Variants in CARD8 observed in about 807,000 individuals in gnomAD.
CARD8 encodes the protein caspase recruitment domain-containing protein 8.
In CARD8, 38 loss-of-function variants were observed where a neutral mutation model predicts 53.2. The ratio of observed to expected loss-of-function variants is 0.71; its 90% CI spans 0.55 to 0.94. The LOEUF is 0.94. Among genes scored for constraint, CARD8 ranks in the 40% least tolerant of loss-of-function variants. The pLI is 0.00. For missense variants in CARD8, 561 were observed against 655.5 expected (o/e 0.86, Z 1.57); for synonymous variants, 245 against 244.9 (o/e 1.00, Z 0.00).
intron 1 of CARD8, among the ~76,000 whole-genome samples, chr19:48,253,429 T>TG (rs1402706204): frequency 6.6e-6 from 1 of 152,176 alleles, no homozygotes; most frequent in Non-Finnish European, 1.5e-5. Flanking sequence ...TGTTTCCAAG[T>TG]GGGGCCACTT....
chr19:48,224,756 CTTTT>C (rs10533384), intron 10 of CARD8, among the ~76,000 whole-genome samples: 17 of 135,212 alleles, frequency 1.3e-4, no homozygotes, highest in Non-Finnish European at 1.1e-4. Context: ...TCACCTTGTG[CTTTT>C]TTTTTTTTTT....
Position 48,215,388 on chromosome 19 carries a change from C to T in CARD8, c.1304-4G>A, listed in dbSNP as rs752268900. 6.2e-7 allele frequency: 1 copy of T among 1,605,284 alleles called. No individual in the cohort carries two copies. Among genetic ancestry groups the T allele is most frequent in the Non-Finnish European group, 8.5e-7 (1 of 1,172,338 alleles). ...GCAGCTACAAGCTGGAGATCCACTACAAAAGAGGGAAAAATTATATGATGA... is the reference window on the plus strand; with the variant it reads ...GCAGCTACAAGCTGGAGATCCACTATAAAAGAGGGAAAAATTATATGATGA... On this transcript the variant is annotated splice_region_variant and splice_polypyrimidine_tract_variant and intron_variant, in intron 12 of 13. Coordinates refer to ENST00000651546, the MANE Select transcript of CARD8 (RefSeq NM_001184900.3).
In CARD8 at chr19:48,255,773, TA is replaced by T. The variant is rs1187258935; in HGVS notation, c.-252+18del. On this transcript the variant is annotated intron_variant, in intron 1 of 13. Transcript: ENST00000651546. ...GCCTCCGTTTCTCCTTCCTGTACAC[TA>T]GGGCTCCTGAAACTCACCTGGTAAG... 6.6e-6 allele frequency: 1 copy of T among 152,228 alleles called. No homozygotes were observed. Among genetic ancestry groups the T allele is most frequent in the African/African-American group, 2.4e-5 (1 of 41,422 alleles). The allele number at this position is 152,228 out of a possible 1,614,324, so 9.4% of individuals were successfully genotyped here.
In CARD8 at chr19:48,238,474, G is replaced by A. The variant is rs138177358; in HGVS notation, c.118C>T (p.Arg40Trp). ...ASKLIRLQGS[R>W]KLLVDNSIRE... ...ATGCTATTGTCAACCAACAGTTTCC[G>A]TGATCCTTGTAGTCTAATGAGTTTG... The change falls in exon 5 of 14, where the codon CGG becomes TGG. Residue 40 changes from arginine to tryptophan, a missense_variant. Coordinates refer to ENST00000651546, the MANE Select transcript of CARD8 (RefSeq NM_001184900.3). 700 of 1,536,262 alleles carry A rather than the reference G, an allele frequency of 4.6e-4. 3 individuals are homozygous for A. The Middle Eastern group carries it at 5.2e-3, about 11-fold the overall frequency.
chr19:48,218,188 T>A (rs1333364064), intron 12 of CARD8, among the ~76,000 whole-genome samples: 1 of 152,062 alleles, frequency 6.6e-6, no homozygotes, highest in Non-Finnish European at 1.5e-5. Flanking sequence ...CAAGAACATT[T>A]TATTTTATTC....
At chr19:48,207,794 G>GGT (rs2037461107), downstream of CARD8, among the ~76,000 whole-genome samples, 1 of 140,262 alleles carries the variant, frequency 7.1e-6, no homozygotes, top group Non-Finnish European at 1.5e-5. Flanking sequence ...GGAGTGCAGT[G>GGT]GTGTGATCTT....
downstream of CARD8, among the ~76,000 whole-genome samples, chr19:48,205,453 C>T (rs570947653): frequency 5.0e-4 from 76 of 152,250 alleles, no homozygotes; most frequent in African/African-American, 1.8e-3. Flanking sequence ...TGGTCTTGAA[C>T]TCCTGACCTC....
chr19:48,222,386 A>G (rs1310860368), intron 10 of CARD8, among the ~76,000 whole-genome samples: 4 of 152,200 alleles, frequency 2.6e-5, no homozygotes, highest in African/African-American at 9.6e-5. Flanking sequence ...GCAGAAAGCG[A>G]GACCTCAAAA....
At chr19:48,241,270 T>C (rs1279276961) in intron 3 of CARD8, among the ~76,000 whole-genome samples, 1 of 152,168 alleles carries the variant, frequency 6.6e-6, no homozygotes, top group Non-Finnish European at 1.5e-5. Flanking sequence ...ACTTCCTTTT[T>C]TTTTAGATGG....
chr19:48,247,827 T>C (rs971254960), intron 3 of CARD8, among the ~76,000 whole-genome samples: 2 of 151,272 alleles, frequency 1.3e-5, no homozygotes, highest in African/African-American at 4.8e-5. Context: ...CAAGCAAAAT[T>C]AAATTACACT....
rs2039808848 is a variant in CARD8 at position 48,218,427 on chromosome 19, G to A, written c.1303+444C>T. ...GGCTGGACTGCTGTGGCACAATCTT[G>A]GCTCACTGCAACCCCCTCCTGGGTT... On this transcript the variant is annotated intron_variant, in intron 12 of 13. Coordinates refer to ENST00000651546, the MANE Select transcript of CARD8 (RefSeq NM_001184900.3). 2.1e-5 allele frequency among the ~76,000 whole-genome samples: 3 copies of A among 144,596 alleles called. No homozygotes were observed. In the South Asian group the frequency reaches 6.5e-4, roughly 31 times the overall value. The allele number at this position is 144,596 out of a possible 152,430, so 94.9% of individuals were successfully genotyped here.
chr19:48,208,917 G>A lies in CARD8; in HGVS notation c.*2793C>T, dbSNP rs976496350. ...GAGAATCGCTTGAGCCCGGGAGACA[G>A]AGGCTGCAGTGAGCTGAGATCACAC... On this transcript the variant is annotated 3_prime_UTR_variant, in exon 14 of 14. Transcript: ENST00000651546. The A allele has an allele frequency of 1.4e-5, 2 of 139,488 alleles. No homozygotes were observed. The highest frequency in any genetic ancestry group is 5.3e-5 in the African/African-American group (2 of 37,586). The allele number at this position is 139,488 out of a possible 1,614,324, so 8.6% of individuals were successfully genotyped here. A position where few individuals can be genotyped will look rare whatever the true frequency, so the allele number is the denominator to read the frequency against.
At chr19:48,253,787 CG>C (rs2047235415) in intron 1 of CARD8, among the ~76,000 whole-genome samples, 1 of 152,042 alleles carries the variant, frequency 6.6e-6, no homozygotes. Flanking sequence ...ATAGTATACA[CG>C]GGTAGAATGA....
intron 6 of CARD8, chr19:48,234,186 C>G: frequency 5.9e-6 from 3 of 504,994 alleles, no homozygotes; most frequent in Non-Finnish European, 1.0e-5. Context: ...TGCTCATTGC[C>G]TTTTTGTGTA....
At chr19:48,218,770 T>A (rs1416944372) in intron 12 of CARD8, 101 bp downstream of exon 12, 17 of 1,288,266 alleles carry the variant, frequency 1.3e-5, no homozygotes, top group Non-Finnish European at 1.5e-5. Flanking sequence ...TCTTTTCTTC[T>A]CTGGGAAAGA....
At chr19:48,207,742 T>TTTTTTGTTTTTC (rs1555790195), downstream of CARD8, among the ~76,000 whole-genome samples, 9 of 132,442 alleles carry the variant, frequency 6.8e-5, no homozygotes, top group African/African-American at 2.5e-4. Flanking sequence ...CTGTTTTTTT[T>TTTTTTGTTTTTC]TTTTTTTTTT....
chr19:48,234,669 C>G, intron 5 of CARD8, 126 bp from the exon 6 acceptor site: 1 of 806,180 alleles, frequency 1.2e-6, no homozygotes, highest in Non-Finnish European at 1.9e-6. Context: ...GAAGTCATTC[C>G]TCAGGCCCCT....
intron 13 of CARD8, among the ~76,000 whole-genome samples, chr19:48,214,419 T>G (rs1312495389): frequency 6.6e-6 from 1 of 152,146 alleles, no homozygotes; most frequent in Admixed American, 6.5e-5. Context: ...CAATAAGATC[T>G]CGGGAACTGG....
At chr19:48,254,844 A>T (rs1259154531) in intron 1 of CARD8, among the ~76,000 whole-genome samples, 1 of 152,196 alleles carries the variant, frequency 6.6e-6, no homozygotes, top group African/African-American at 2.4e-5. Context: ...CCTTACATAA[A>T]GGTCTTCACA....
Sources: gnomAD v4.1 joint callset for allele counts (sites outside exome capture counted in the v4.1 genomes callset) on GRCh38, gnomAD v4.1.1 for gene constraint, MANE v1.5 for transcripts, NCBI Gene and HGNC (gene_info 2026-07-23, HGNC 2026-07-21) for gene names.